The following PARP12 variants were observed in gnomAD, a reference collection of about 807,000 sequenced individuals.
PARP12 encodes poly(ADP-ribose) polymerase family member 12.
A neutral mutation model predicts 72.4 loss-of-function variants in PARP12; 59 were observed. The observed-to-expected ratio is 0.81, with a 90% CI of 0.66 to 1.01. PARP12 has a LOEUF of 1.01. PARP12 is among the 50% of genes least tolerant of loss of function. The pLI, the probability that PARP12 is intolerant of heterozygous loss-of-function variation, is 0.00. For missense variants in PARP12, 851 were observed against 914.0 expected, an observed-to-expected ratio of 0.93 and a Z score of 0.89; for synonymous variants, 403 against 371.4, an observed-to-expected ratio of 1.09 and a Z score of -0.98.
chr7:140,028,628 T>G lies in PARP12; in HGVS notation c.1482A>C (p.Pro494=), dbSNP rs1248273387. 11 of 1,598,634 alleles carry G rather than the reference T, an allele frequency of 6.9e-6. No homozygotes were observed. Among genetic ancestry groups the G allele is most frequent in the Non-Finnish European group, 9.4e-6 (11 of 1,172,186 alleles). ...CGTCCCCTACCTGAAAGCCTGGGTC[T>G]GGCAGGGCAGAGGAGTCCCAATAGT... The part of the protein sequence containing the change: ...IPDYWDSSAL[P]DPGFQKITLS... Residue 494 remains proline, a synonymous_variant, in exon 9 of 12, where the codon CCA becomes CCC. Transcript: ENST00000263549.
At chr7:140,027,807 T>A in intron 9 of PARP12, 1 of 178,986 alleles carries the variant, frequency 5.6e-6, no homozygotes, top group Non-Finnish European at 1.2e-5. Context: ...ACGTGATGCT[T>A]AAGCCACCAT....
intron 1 of PARP12, among the ~76,000 whole-genome samples, chr7:140,060,651 T>C (rs1260125499): frequency 1.3e-5 from 2 of 152,214 alleles, no homozygotes; most frequent in East Asian, 3.8e-4. Flanking sequence ...TTACCAAATA[T>C]GAACATGAAA....
At chr7:140,027,883 T>G (rs1189893999) in intron 9 of PARP12, among the ~76,000 whole-genome samples, 2 of 152,038 alleles carry the variant, frequency 1.3e-5, no homozygotes, top group East Asian at 3.9e-4. Context: ...AAGACACAGG[T>G]TGGACTACAT....
chr7:140,038,252 T>C (rs749913527), intron 6 of PARP12: 55 of 985,350 alleles, frequency 5.6e-5, no homozygotes, highest in Non-Finnish European at 6.4e-5. Flanking sequence ...TCTATTCACG[T>C]TGCAACCATC....
In PARP12 at chr7:140,057,088, G is replaced by A; in HGVS notation, c.528C>T (p.Ile176=). 2 of 1,614,152 alleles carry A rather than the reference G, an allele frequency of 1.2e-6. No homozygotes were observed. The highest frequency in any genetic ancestry group is 1.7e-6 in the Non-Finnish European group (2 of 1,180,044). ...AAAAATACTGGCAGATATGGAGCTT[G>A]ATGCACTGCTTTTGAAAGGCACAAG... ...HGSCAFQKQC[I]KLHICQYFLQ... The change falls in exon 3 of 12, where the codon ATC becomes ATT. Residue 176 remains isoleucine, a synonymous_variant. Transcript: ENST00000263549.
At chr7:140,039,429 G>A (rs1213192348) in intron 6 of PARP12, among the ~76,000 whole-genome samples, 1 of 152,148 alleles carries the variant, frequency 6.6e-6, no homozygotes, top group Non-Finnish European at 1.5e-5. Flanking sequence ...AAAGCAAAAA[G>A]CAAAGAGTTT....
intron 4 of PARP12, among the ~76,000 whole-genome samples, chr7:140,052,392 C>T (rs1350714537): frequency 6.6e-6 from 1 of 152,152 alleles, no homozygotes; most frequent in Non-Finnish European, 1.5e-5. Context: ...TTAACATTCT[C>T]TCATCCCTTC....
Position 140,062,684 on chromosome 7 carries a change from G to T in PARP12, c.164C>A (p.Ala55Glu). 1 of 1,283,610 alleles carries T rather than the reference G, an allele frequency of 7.8e-7. No homozygotes were observed. Among genetic ancestry groups the T allele is most frequent in the Non-Finnish European group, 9.9e-7 (1 of 1,014,758 alleles). 79.5% of individuals were successfully genotyped at this position (1,283,610 alleles called of 1,614,324 possible). The change falls in exon 1 of 12, where the codon GCG becomes GAG. Residue 55 changes from alanine (A) to glutamate (E), a missense_variant. Around this residue, in one of 3 missense-constraint regions of PARP12, gnomAD observed 492 missense variants for 489.3 expected, o/e 1.01. Coordinates refer to ENST00000263549, the MANE Select transcript of PARP12 (RefSeq NM_022750.4). Reference protein sequence around the residue: ...QRGRFVVAVRAGGAAAAPERV... With the variant: ...QRGRFVVAVREGGAAAAPERV... ...CTCCGGGGCCGCGGCTGCGCCGCCCGCCCGCACCGCCACCACGAAGCGCCC... is the reference window on the plus strand; with the variant it reads ...CTCCGGGGCCGCGGCTGCGCCGCCCTCCCGCACCGCCACCACGAAGCGCCC...
chr7:140,047,845 G>T (rs1816797124), intron 4 of PARP12, among the ~76,000 whole-genome samples: 1 of 152,072 alleles, frequency 6.6e-6, no homozygotes, highest in Non-Finnish European at 1.5e-5. Flanking sequence ...CGAACTTCTG[G>T]CCTCAAGTGA....
rs746081206 is a variant in PARP12, at chr7:140,056,979, A to G, written c.637T>C (p.Leu213=). The G allele has an allele frequency of 6.2e-7, 1 of 1,614,092 alleles. No individual in the cohort carries two copies. The highest frequency in any genetic ancestry group is 8.5e-7 in the Non-Finnish European group (1 of 1,180,052). Residue 213 remains leucine (L), a synonymous_variant, in exon 3 of 12, where the codon TTG becomes CTG. Coordinates refer to ENST00000263549, the MANE Select transcript of PARP12 (RefSeq NM_022750.4). ...CTCACCAGGTCTGAGCTCATACCCA[A>G]CTTCTCCAATTTTTCCAGATTCTCA... ...NSENLEKLEK[L]GMSSDLVSRL... is the part of the protein sequence containing the mutation.
intron 11 of PARP12, among the ~76,000 whole-genome samples, 183 bp from the exon 12 acceptor site, chr7:140,025,068 C>A (rs921066858): frequency 6.6e-6 from 1 of 152,182 alleles, no homozygotes. Context: ...ATCAGTGATA[C>A]CAACACCCTT....
In PARP12 at chr7:140,044,904, GGTGA is replaced by G. The variant is rs1396715087; in HGVS notation, c.986+1976_986+1979del. On this transcript the variant is annotated intron_variant, in intron 5 of 11. Coordinates refer to ENST00000263549, the MANE Select transcript of PARP12 (RefSeq NM_022750.4). ...CAAGGAGAAGTGTGAGCAAAGGAAT[GGTGA>G]GTAAGAAACAAAATGGTAATTGTGT... is the stretch of plus-strand genomic sequence containing the variant. 7.9e-5 allele frequency among the ~76,000 whole-genome samples: 12 copies of G among 152,274 alleles called. No individual in the cohort carries two copies. In the South Asian group the frequency reaches 2.5e-3, roughly 32 times the overall value.
chr7:140,056,180 G>A (rs1430079493), intron 3 of PARP12, among the ~76,000 whole-genome samples: 1 of 152,242 alleles, frequency 6.6e-6, no homozygotes, highest in Non-Finnish European at 1.5e-5. Flanking sequence ...AGGTACTCAA[G>A]AAATGCTTAT....
intron 4 of PARP12, 125 bp from the exon 5 acceptor site, chr7:140,047,132 T>A: frequency 8.7e-7 from 1 of 1,149,934 alleles, no homozygotes; most frequent in Non-Finnish European, 1.2e-6. Flanking sequence ...TGGTGGAGTC[T>A]GTTTTTTCAG....
At chr7:140,061,724 C>A (rs1443672151) in intron 1 of PARP12, among the ~76,000 whole-genome samples, 1 of 152,200 alleles carries the variant, frequency 6.6e-6, no homozygotes, top group Non-Finnish European at 1.5e-5. Context: ...ACATGCTATG[C>A]ACAGAACATG....
Position 140,037,818 on chromosome 7 carries a change from G to T in PARP12, c.1221C>A (p.Asp407Glu). ...VHPVTTVSSS[D>E]VEKAYLAYCT... Reference sequence around the variant, plus strand: ...AGTAGGCCAGGTAGGCCTTCTCCACGTCGCTACTGCTGACAGTGGTCACAG... The same window carrying T: ...AGTAGGCCAGGTAGGCCTTCTCCACTTCGCTACTGCTGACAGTGGTCACAG... The change falls in exon 7 of 12, where the codon GAC (aspartate) becomes GAA (glutamate). Residue 407 changes from aspartate to glutamate, a missense_variant. By Grantham distance (45) the Asp-to-Glu change is conservative. Transcript: ENST00000263549. The T allele has an allele frequency of 6.2e-7, 1 of 1,613,848 alleles. No homozygotes were observed. The highest frequency in any genetic ancestry group is 8.5e-7 in the Non-Finnish European group (1 of 1,179,708).
chr7:140,056,420 T>C (rs1388919430), intron 3 of PARP12, among the ~76,000 whole-genome samples: 1 of 152,206 alleles, frequency 6.6e-6, no homozygotes, highest in Non-Finnish European at 1.5e-5. Flanking sequence ...AAGGTATGCT[T>C]CTTTCACTCA....
chr7:140,024,777 C>G lies in PARP12; in HGVS notation c.1889G>C (p.Gly630Ala). ...CGGCGGACGGACAAAGGAGGCATTG[C>G]CCCTGACGAACTCGCCCACCAGCAC... is the stretch of plus-strand genomic sequence containing the variant. ...ARVLVGEFVRGNASFVRPPAK... is the reference protein window; with the variant it reads ...ARVLVGEFVRANASFVRPPAK... The change falls in exon 12 of 12, where the codon GGC (glycine) becomes GCC (alanine). Residue 630 changes from glycine (G) to alanine (A), a missense_variant. Around this residue, in one of 3 missense-constraint regions of PARP12, gnomAD observed 347 missense variants for 396.1 expected, o/e 0.88. Coordinates refer to ENST00000263549, the MANE Select transcript of PARP12 (RefSeq NM_022750.4). 2 of 1,614,196 alleles carry G rather than the reference C, an allele frequency of 1.2e-6. No homozygotes were observed. The highest frequency in any genetic ancestry group is 1.7e-6 in the Non-Finnish European group (2 of 1,180,018).
In PARP12 at chr7:140,026,358, C is replaced by G; in HGVS notation, c.1629-10G>C. ...CATCTGTCCTTTTTGCCTAGAATCA[C>G]AGAAGAATGTGTGCTGGGGGCAGAG... On this transcript the variant is annotated splice_polypyrimidine_tract_variant and intron_variant, in intron 10 of 11. Transcript: ENST00000263549. 7 of 1,605,738 alleles carry G rather than the reference C, an allele frequency of 4.4e-6. No individual in the cohort carries two copies. The highest frequency in any genetic ancestry group is 5.9e-6 in the Non-Finnish European group (7 of 1,177,972).
Sources: gnomAD v4.1 joint callset for allele counts (sites outside exome capture counted in the v4.1 genomes callset) on GRCh38, gnomAD v4.1.1 for gene constraint, gnomAD v4.1.1 regional missense constraint, MANE v1.5 for transcripts, NCBI Gene and HGNC (gene_info 2026-07-23, HGNC 2026-07-21) for gene names.